Variants in LRP1B observed in about 807,000 individuals in gnomAD.
LRP1B encodes the protein low-density lipoprotein receptor-related protein 1B.
LRP1B carries 217 observed loss-of-function variants against 556.6 expected under a neutral mutation model. That is an observed-to-expected ratio of 0.39 (90% CI 0.35 to 0.44). The LOEUF is 0.44. Ranked by LOEUF, LRP1B falls within the 20% of genes least tolerant of loss-of-function variation. LRP1B has a pLI of 1.00. For synonymous variants in LRP1B, 2,047 were observed against 1,865.8 expected, an observed-to-expected ratio of 1.10 and a Z score of -2.50; for missense variants, 5,053 against 5,620.8, an observed-to-expected ratio of 0.90 and a Z score of 3.23.
chr2:141,807,896 A>G (rs1696215586), intron 2 of LRP1B, among the ~76,000 whole-genome samples: 1 of 152,056 alleles, frequency 6.6e-6, no homozygotes, highest in Non-Finnish European at 1.5e-5. Context: ...CCTTCTGGGT[A>G]TCTGCCATGT....
intron 2 of LRP1B, among the ~76,000 whole-genome samples, chr2:141,693,629 C>T (rs533678671): frequency 1.1e-4 from 16 of 152,120 alleles, no homozygotes; most frequent in African/African-American, 3.9e-4. Flanking sequence ...GTGCTTTGTG[C>T]ACACTGTGTG....
intron 2 of LRP1B, among the ~76,000 whole-genome samples, chr2:141,753,263 CATATATATAT>C (rs144027196): frequency 6.4e-5 from 4 of 62,502 alleles, no homozygotes; most frequent in Non-Finnish European, 1.4e-4. Flanking sequence ...TCTCTCTCTC[CATATATATAT>C]ATATATATAT....
chr2:140,331,277 T>C (rs192314140), intron 79 of LRP1B, among the ~76,000 whole-genome samples: 1 of 152,250 alleles, frequency 6.6e-6, no homozygotes, highest in Admixed American at 6.5e-5. Context: ...TGCAGGGACG[T>C]GGATGCAGCT....
chr2:141,459,750 T>C (rs761264239), intron 3 of LRP1B, among the ~76,000 whole-genome samples: 2 of 152,132 alleles, frequency 1.3e-5, no homozygotes, highest in African/African-American at 2.4e-5. Context: ...TCTTCTGCCA[T>C]GGTTGTGAGG....
At chr2:142,053,332 A>G (rs549139157) in intron 1 of LRP1B, among the ~76,000 whole-genome samples, 2 of 152,234 alleles carry the variant, frequency 1.3e-5, no homozygotes, top group South Asian at 2.1e-4. Flanking sequence ...ACACATAGCT[A>G]TTTCTTGTAG....
chr2:141,198,265 C>T (rs1251862232), intron 6 of LRP1B, among the ~76,000 whole-genome samples: 2 of 152,080 alleles, frequency 1.3e-5, no homozygotes, highest in African/African-American at 2.4e-5. Flanking sequence ...CAAACAAAGG[C>T]TCTGTCAGGT....
chr2:141,189,868 G>C (rs1403637632), intron 6 of LRP1B, among the ~76,000 whole-genome samples: 2 of 151,842 alleles, frequency 1.3e-5, no homozygotes, highest in East Asian at 1.9e-4. Context: ...AGTACCTGGG[G>C]AGCAGCCAAT....
In LRP1B at chr2:141,018,015, A is replaced by AAT. The variant is rs1553447173; in HGVS notation, c.1970+1905_1970+1906dup. Among the ~76,000 whole-genome samples the AAT allele has an allele frequency of 1.5e-4, 23 of 151,748 alleles. No individual in the cohort carries two copies. In the South Asian group the frequency reaches 3.9e-3, roughly 26 times the overall value. ...GATCCTGTCTAAAAAAAAAAAAAAA[A>AAT]ATTATGAAAGCTTTACAATCAATAC... On this transcript the variant is annotated intron_variant, in intron 12 of 90. Transcript: ENST00000389484.
intron 11 of LRP1B, among the ~76,000 whole-genome samples, chr2:141,033,080 G>A (rs979111678): frequency 2.6e-5 from 4 of 151,762 alleles, no homozygotes; most frequent in Non-Finnish European, 5.9e-5. Flanking sequence ...GCCTTGAAGG[G>A]AATGATTGAG....
chr2:141,279,296 A>C (rs1160600837), intron 3 of LRP1B, among the ~76,000 whole-genome samples: 1 of 152,078 alleles, frequency 6.6e-6, no homozygotes, highest in Non-Finnish European at 1.5e-5. Context: ...CAAGGCATAT[A>C]CTCAGGAGAA....
intron 66 of LRP1B, among the ~76,000 whole-genome samples, chr2:140,409,433 AAGTAACAAGT>A (rs1389959650): frequency 2.0e-5 from 3 of 152,000 alleles, no homozygotes; most frequent in Non-Finnish European, 4.4e-5. Flanking sequence ...TATTGATGAA[AAGTAACAAGT>A]TCGTCCACCA....
chr2:141,834,834 A>G (rs1280979959), intron 1 of LRP1B, among the ~76,000 whole-genome samples: 1 of 151,982 alleles, frequency 6.6e-6, no homozygotes, highest in Admixed American at 6.6e-5. Flanking sequence ...CTCAAGAAGC[A>G]ATGTAGAATG....
At chr2:141,534,058 A>T (rs563562857) in intron 2 of LRP1B, among the ~76,000 whole-genome samples, 41 of 151,754 alleles carry the variant, frequency 2.7e-4, no homozygotes, top group African/African-American at 8.2e-4. Context: ...AGAGAGTGTG[A>T]GAGAGAGAGA....
At chr2:141,823,409 G>A (rs944081142) in intron 1 of LRP1B, among the ~76,000 whole-genome samples, 2 of 152,030 alleles carry the variant, frequency 1.3e-5, no homozygotes, top group African/African-American at 4.8e-5. Flanking sequence ...GGTCTTGGGT[G>A]ATATTAATGA....
intron 69 of LRP1B, 32 bp from the exon 70 acceptor site, chr2:140,371,317 A>G: frequency 2.4e-6 from 3 of 1,234,544 alleles, no homozygotes; most frequent in Non-Finnish European, 3.4e-6. Context: ...AAATTGAGAT[A>G]GAGTAAAAAT....
At chr2:141,163,405 A>G (rs1431813304) in intron 7 of LRP1B, among the ~76,000 whole-genome samples, 2 of 152,094 alleles carry the variant, frequency 1.3e-5, no homozygotes, top group Non-Finnish European at 2.9e-5. Context: ...AGATGATTCT[A>G]CTGACTGATG....
At chr2:140,916,659 A>T (rs1694588365) in intron 21 of LRP1B, among the ~76,000 whole-genome samples, 1 of 152,160 alleles carries the variant, frequency 6.6e-6, no homozygotes, top group Non-Finnish European at 1.5e-5. Flanking sequence ...TCAGCACCAA[A>T]CTATCACAAC....
chr2:140,584,166 TTA>T lies in LRP1B; in HGVS notation c.7194+14463_7194+14464del, dbSNP rs1455382349. On this transcript the variant is annotated intron_variant, in intron 43 of 90. Transcript: ENST00000389484. ...ATGTGTAAAACTTACAAAAAACACA[TTA>T]TAACCTGCTCAAGAACAATACAAAA... 2.6e-5 allele frequency among the ~76,000 whole-genome samples: 4 copies of T among 152,016 alleles called. No individual in the cohort carries two copies. In the East Asian group the frequency reaches 7.7e-4, roughly 29 times the overall value.
intron 1 of LRP1B, among the ~76,000 whole-genome samples, chr2:141,918,123 G>A (rs1700086610): frequency 6.6e-6 from 1 of 151,888 alleles, no homozygotes; most frequent in African/African-American, 2.4e-5. Flanking sequence ...AGAAAGAGAA[G>A]AACCCTATAT....
Sources: gnomAD v4.1 joint callset for allele counts (sites outside exome capture counted in the v4.1 genomes callset) on GRCh38, gnomAD v4.1.1 for gene constraint, MANE v1.5 for transcripts, NCBI Gene and HGNC (gene_info 2026-07-23, HGNC 2026-07-21) for gene names.